TRAPPC9: variants seen among roughly 807,000 people sequenced by gnomAD.
TRAPPC9 encodes the protein trafficking protein particle complex subunit 9.
Under a neutral mutation model 124.0 loss-of-function variants are expected in TRAPPC9, and 83 were observed. The observed-to-expected ratio is 0.67, with a 90% CI of 0.56 to 0.80. The LOEUF is 0.80. Among genes scored for constraint, TRAPPC9 ranks in the 30% least tolerant of loss-of-function variants. The pLI is 0.00. For synonymous variants in TRAPPC9, 638 were observed against 617.5 expected (o/e 1.03, Z -0.49); for missense variants, 1,302 against 1,508.3 (o/e 0.86, Z 2.27).
rs529800448 is a variant in TRAPPC9, at chr8:140,149,845, G to A, written c.2556+71614C>T. ...ACATGAAGTACGAGTGCGAGCAGTG[G>A]AGCCTACATGAGGTGGCTCTCTGTA... On this transcript the variant is annotated intron_variant, in intron 17 of 22. Transcript: ENST00000438773. Among the ~76,000 whole-genome samples, 37 of 150,386 alleles carry A rather than the reference G, an allele frequency of 2.5e-4. No homozygotes were observed. The East Asian group carries it at 5.1e-3, about 21-fold the overall frequency.
In TRAPPC9 at chr8:140,334,564, C is replaced by T. The variant is rs565495024; in HGVS notation, c.1496-23190G>A. The stretch of plus-strand genomic sequence containing the variant: ...ACTCGGGAGGCTGAGGCAGGAGAAT[C>T]GCTTGAACCCGGGAGGTGGAGGTTG... On this transcript the variant is annotated intron_variant, in intron 9 of 22. Transcript: ENST00000438773. 5.3e-5 allele frequency among the ~76,000 whole-genome samples: 8 copies of T among 151,968 alleles called. No homozygotes were observed. In the East Asian group the frequency reaches 1.2e-3, roughly 22 times the overall value.
chr8:140,334,650 T>C (rs1192135629), intron 9 of TRAPPC9, among the ~76,000 whole-genome samples: 1 of 50,442 alleles, frequency 2.0e-5, no homozygotes, highest in Non-Finnish European at 4.3e-5. Context: ...ACTCTGTCAC[T>C]AAATAAATAA....
intron 19 of TRAPPC9, among the ~76,000 whole-genome samples, chr8:139,971,363 T>C (rs1587374411): frequency 1.3e-5 from 2 of 152,324 alleles, no homozygotes; most frequent in Middle Eastern, 6.8e-3. Flanking sequence ...CCCAACCTCC[T>C]GGCCTGGCAC....
At chr8:140,159,989 G>T (rs1165569615) in intron 17 of TRAPPC9, among the ~76,000 whole-genome samples, 3 of 152,160 alleles carry the variant, frequency 2.0e-5, no homozygotes, top group Non-Finnish European at 4.4e-5. Context: ...GTGGGCAAAT[G>T]ATATAAACAG....
Position 140,216,265 on chromosome 8 carries a change from T to C in TRAPPC9, c.2556+5194A>G, listed in dbSNP as rs2063191133. Among the ~76,000 whole-genome samples the C allele has an allele frequency of 6.6e-6, 1 of 152,234 alleles. No individual in the cohort carries two copies. Among genetic ancestry groups the C allele is most frequent in the South Asian group, 2.1e-4 (1 of 4,828 alleles). Reference sequence around the variant, plus strand: ...TCGGTAAACGGTAATGATATTTTAATCATTACATTTAAATACATGTACGAA... The same window carrying C: ...TCGGTAAACGGTAATGATATTTTAACCATTACATTTAAATACATGTACGAA... On this transcript the variant is annotated intron_variant, in intron 17 of 22. Coordinates refer to ENST00000438773, the MANE Select transcript of TRAPPC9 (RefSeq NM_001160372.4). The surrounding 1 kb of genome is among the most constrained non-coding windows in gnomAD (Gnocchi z 4.1).
chr8:139,758,571 C>G (rs533386648), intron 21 of TRAPPC9, among the ~76,000 whole-genome samples: 1 of 152,060 alleles, frequency 6.6e-6, no homozygotes, highest in Non-Finnish European at 1.5e-5. Context: ...AAACGGGGTA[C>G]GAGGGAAGCA....
chr8:140,118,832 T>G (rs958446258), intron 17 of TRAPPC9, among the ~76,000 whole-genome samples: 9 of 152,264 alleles, frequency 5.9e-5, no homozygotes, highest in Admixed American at 5.9e-4. Context: ...TACACACTGG[T>G]GCAGAAAGCC....
chr8:139,982,252 C>T (rs536580561), intron 19 of TRAPPC9, among the ~76,000 whole-genome samples: 3 of 152,092 alleles, frequency 2.0e-5, no homozygotes, highest in South Asian at 4.1e-4. Context: ...GAGGGAAGGC[C>T]GATTCTGGGA....
At position 139,731,021 on chromosome 8, in the gene TRAPPC9, A is replaced by C. The variant is rs1817783766; in HGVS notation, c.*40T>G. ...GGGGTGTGGGAGGCCAGGCAGGGTC[A>C]CCTCTGGCCCTGCAGAAAGAGGGAC... On this transcript the variant is annotated 3_prime_UTR_variant, in exon 23 of 23. Coordinates refer to ENST00000438773, the MANE Select transcript of TRAPPC9 (RefSeq NM_001160372.4). 6.2e-7 allele frequency: 1 copy of C among 1,604,992 alleles called. No individual in the cohort carries two copies. The highest frequency in any genetic ancestry group is 8.5e-7 in the Non-Finnish European group (1 of 1,176,256).
intron 18 of TRAPPC9, among the ~76,000 whole-genome samples, chr8:140,021,498 A>G (rs1437917762): frequency 6.6e-6 from 1 of 152,252 alleles, no homozygotes; most frequent in East Asian, 1.9e-4. Context: ...TTAAAAGTGA[A>G]GGAAACAAAT....
intron 21 of TRAPPC9, among the ~76,000 whole-genome samples, chr8:139,797,090 G>A (rs897904843): frequency 1.3e-5 from 2 of 151,958 alleles, no homozygotes; most frequent in African/African-American, 4.8e-5. Context: ...TTTTAAATTG[G>A]GTTATTTGTC....
intron 17 of TRAPPC9, among the ~76,000 whole-genome samples, chr8:140,205,550 G>A (rs541716758): frequency 2.6e-5 from 4 of 152,106 alleles, no homozygotes; most frequent in East Asian, 3.8e-4. Context: ...GCCACTTCAC[G>A]GCCTACTTGA....
At chr8:139,968,534 T>A (rs1374823768) in intron 19 of TRAPPC9, among the ~76,000 whole-genome samples, 1 of 152,206 alleles carries the variant, frequency 6.6e-6, no homozygotes, top group Non-Finnish European at 1.5e-5. Context: ...TGGGCAGGGA[T>A]ACGTGCATTC....
chr8:139,844,545 C>A (rs1048545368), intron 21 of TRAPPC9, among the ~76,000 whole-genome samples: 12 of 152,216 alleles, frequency 7.9e-5, no homozygotes, highest in African/African-American at 2.4e-4. Flanking sequence ...TGGGTGAGGA[C>A]TGCTCTATGG....
chr8:140,243,922 C>A (rs529234786), intron 16 of TRAPPC9, among the ~76,000 whole-genome samples: 1 of 152,238 alleles, frequency 6.6e-6, no homozygotes, highest in Non-Finnish European at 1.5e-5. Context: ...GGCAGCCTAG[C>A]GAGCTTTGCA....
intron 6 of TRAPPC9, among the ~76,000 whole-genome samples, chr8:140,402,397 C>CAA (rs34659339): frequency 2.3e-4 from 32 of 140,254 alleles, no homozygotes; most frequent in South Asian, 8.9e-4. Context: ...GACCCTGTCT[C>CAA]AAAAAAAAAA....
At chr8:140,067,400 C>T (rs1168359285) in intron 17 of TRAPPC9, among the ~76,000 whole-genome samples, 1 of 152,168 alleles carries the variant, frequency 6.6e-6, no homozygotes. Context: ...GCCTCGGCCT[C>T]CCAAAGTGCT....
chr8:139,820,007 CAAAAAAAAAAAAAAAAAA>C (rs35064399), intron 21 of TRAPPC9, among the ~76,000 whole-genome samples: 1 of 51,810 alleles, frequency 1.9e-5, no homozygotes, highest in African/African-American at 8.2e-5. Flanking sequence ...GACTCTGTCT[CAAAAAAAAAAAAAAAAAA>C]AAAAAAGAGA....
At chr8:140,062,761 CACATGGT>C (rs1476344217) in intron 17 of TRAPPC9, among the ~76,000 whole-genome samples, 1 of 152,148 alleles carries the variant, frequency 6.6e-6, no homozygotes, top group Admixed American at 6.5e-5. Flanking sequence ...TGGCACCTGG[CACATGGT>C]GGCACTCAGA....
Sources: gnomAD v4.1 joint callset for allele counts (sites outside exome capture counted in the v4.1 genomes callset) on GRCh38, gnomAD v4.1.1 for gene constraint, Gnocchi (gnomAD v3.1) non-coding constraint, MANE v1.5 for transcripts, NCBI Gene and HGNC (gene_info 2026-07-23, HGNC 2026-07-21) for gene names.